Variants in FTCDNL1 observed in about 807,000 individuals in gnomAD.
FTCDNL1 encodes formiminotransferase cyclodeaminase N-terminal like, also known as formiminotransferase N-terminal subdomain-containing protein.
In FTCDNL1, 11 loss-of-function variants were observed where a neutral mutation model predicts 5.9. The observed-to-expected ratio is 1.87, with a 90% CI of 1.18 to 3.10. The LOEUF is 3.10. Among genes scored for constraint, FTCDNL1 ranks in the 30% most tolerant of loss-of-function variants. The pLI is 0.00. For missense variants in FTCDNL1, 115 were observed against 65.5 expected (o/e 1.76, Z -2.61); for synonymous variants, 58 against 24.8 (o/e 2.34, Z -3.99).
At chr2:199,761,578 G>C (rs1343648222) in intron 3 of FTCDNL1, among the ~76,000 whole-genome samples, 1 of 152,140 alleles carries the variant, frequency 6.6e-6, no homozygotes, top group Non-Finnish European at 1.5e-5. Flanking sequence ...AGGAAAACCT[G>C]ATGCTCAATA....
chr2:199,704,297 C>T, the FTCDNL1 span, among the ~76,000 whole-genome samples: 1 of 152,098 alleles, frequency 6.6e-6, no homozygotes, highest in Non-Finnish European at 1.5e-5. Context: ...TCCAAATTCC[C>T]AATTACTGTA....
chr2:199,744,071 A>C, the FTCDNL1 span, among the ~76,000 whole-genome samples: 2 of 152,136 alleles, frequency 1.3e-5, no homozygotes, highest in African/African-American at 4.8e-5. Flanking sequence ...TCTAAATAGG[A>C]GCCAGAGATC....
the FTCDNL1 span, among the ~76,000 whole-genome samples, chr2:199,687,626 C>A: frequency 6.6e-6 from 1 of 151,932 alleles, no homozygotes; most frequent in African/African-American, 2.4e-5. Flanking sequence ...TGGGAGGGGG[C>A]CAAACTGCTA....
At chr2:199,723,577 A>C in the FTCDNL1 span, among the ~76,000 whole-genome samples, 3 of 152,138 alleles carry the variant, frequency 2.0e-5, no homozygotes, top group Non-Finnish European at 2.9e-5. Context: ...TAGTTTATTG[A>C]GAGTTTTTAA....
intron 3 of FTCDNL1, among the ~76,000 whole-genome samples, chr2:199,799,825 A>T (rs1700354874): frequency 6.6e-6 from 1 of 152,158 alleles, no homozygotes; most frequent in African/African-American, 2.4e-5. Context: ...ATGTTTTGCC[A>T]TTCCCAGACC....
the FTCDNL1 span, among the ~76,000 whole-genome samples, chr2:199,739,046 T>C: frequency 6.6e-6 from 1 of 152,196 alleles, no homozygotes; most frequent in Non-Finnish European, 1.5e-5. Flanking sequence ...CTAGAAACCA[T>C]GTCTCAGAAG....
chr2:199,715,232 G>A, the FTCDNL1 span, among the ~76,000 whole-genome samples: 1 of 151,984 alleles, frequency 6.6e-6, no homozygotes, highest in Non-Finnish European at 1.5e-5. Flanking sequence ...ATATATATAT[G>A]CTATATATAT....
chr2:199,723,138 G>A, the FTCDNL1 span, among the ~76,000 whole-genome samples: 3 of 151,706 alleles, frequency 2.0e-5, no homozygotes, highest in Non-Finnish European at 2.9e-5. Flanking sequence ...AGGCCCCAAT[G>A]TTTGTTAATC....
intron 3 of FTCDNL1, among the ~76,000 whole-genome samples, chr2:199,829,996 A>G (rs1702264928): frequency 6.6e-6 from 1 of 152,154 alleles, no homozygotes; most frequent in South Asian, 2.1e-4. Context: ...AAACCAATCA[A>G]AAAGAGCATT....
chr2:199,813,717 C>A (rs573993275), intron 4 of FTCDNL1, among the ~76,000 whole-genome samples: 1 of 152,042 alleles, frequency 6.6e-6, no homozygotes, highest in Non-Finnish European at 1.5e-5. Flanking sequence ...TCGAGACCAG[C>A]CTGGCCAATA....
At chr2:199,695,480 C>T in the FTCDNL1 span, among the ~76,000 whole-genome samples, 1 of 152,100 alleles carries the variant, frequency 6.6e-6, no homozygotes, top group Non-Finnish European at 1.5e-5. Flanking sequence ...TGTAAAATAT[C>T]TCTTAATAAT....
At chr2:199,716,979 T>A in the FTCDNL1 span, among the ~76,000 whole-genome samples, 3 of 152,098 alleles carry the variant, frequency 2.0e-5, no homozygotes, top group Admixed American at 2.0e-4. Context: ...CTGTTCTGCT[T>A]CGTTTCTCGG....
At chr2:199,708,314 A>AT in the FTCDNL1 span, among the ~76,000 whole-genome samples, 1,701 of 151,988 alleles carry the variant, frequency 0.011, 34 homozygotes, top group African/African-American at 0.039. Context: ...CACCATGCAT[A>AT]TTTTTTAAAT....
intron 3 of FTCDNL1, among the ~76,000 whole-genome samples, chr2:199,829,474 T>G (rs1344993926): frequency 6.6e-6 from 1 of 152,166 alleles, no homozygotes; most frequent in African/African-American, 2.4e-5. Flanking sequence ...ATCGATGCAA[T>G]TAGATGTTTC....
chr2:199,809,241 C>G (rs868525973), downstream of FTCDNL1, among the ~76,000 whole-genome samples: 1 of 150,280 alleles, frequency 6.7e-6, no homozygotes, highest in African/African-American at 2.4e-5. Flanking sequence ...AGATTGAGTT[C>G]GGCCTTTTTT....
At chr2:199,770,893 G>A (rs183058594) in intron 3 of FTCDNL1, among the ~76,000 whole-genome samples, 3 of 152,316 alleles carry the variant, frequency 2.0e-5, no homozygotes, top group Non-Finnish European at 4.4e-5. Context: ...GCCAGCAGAT[G>A]CACAGAGAGA....
intron 3 of FTCDNL1, among the ~76,000 whole-genome samples, chr2:199,762,688 TCTGA>T (rs1253095526): frequency 1.3e-5 from 2 of 152,330 alleles, no homozygotes; most frequent in Admixed American, 6.5e-5. Context: ...TAGTATACAC[TCTGA>T]CTTTCAGGTG....
intron 2 of FTCDNL1, 94 bp downstream of exon 2, chr2:199,848,754 G>A (rs1283448693): frequency 1.7e-6 from 1 of 593,804 alleles, no homozygotes; most frequent in Non-Finnish European, 3.0e-6. Flanking sequence ...AAGAAAGAAA[G>A]AAAAGTGTTC....
chr2:199,827,430 T>C (rs889985940), intron 3 of FTCDNL1, among the ~76,000 whole-genome samples: 1 of 152,160 alleles, frequency 6.6e-6, no homozygotes, highest in Admixed American at 6.5e-5. Flanking sequence ...AACAGGCCCC[T>C]ATAAAGAGAT....
Sources: gnomAD v4.1 joint callset for allele counts (sites outside exome capture counted in the v4.1 genomes callset) on GRCh38, gnomAD v4.1.1 for gene constraint, MANE v1.5 for transcripts, NCBI Gene and HGNC (gene_info 2026-07-23, HGNC 2026-07-21) for gene names.